CAST: variants seen among roughly 807,000 people sequenced by gnomAD.
The protein encoded by CAST is MIR583 host.
Under a neutral mutation model 119.6 loss-of-function variants are expected in CAST, and 76 were observed. The ratio of observed to expected loss-of-function variants is 0.64; its 90% confidence interval spans 0.53 to 0.77. The LOEUF (loss-of-function observed/expected upper bound fraction) is 0.77, where lower values mean the gene tolerates loss of function less well. Ranked by LOEUF, CAST falls within the 30% of genes least tolerant of loss-of-function variation. CAST has a pLI of 0.00. For synonymous variants in CAST, 319 were observed against 331.6 expected (o/e 0.96, Z 0.41); for missense variants, 953 against 946.5 (o/e 1.01, Z -0.09).
the CAST span, among the ~76,000 whole-genome samples, chr5:96,004,568 A>C: frequency 1.3e-5 from 2 of 152,178 alleles, no homozygotes; most frequent in Non-Finnish European, 2.9e-5. Flanking sequence ...CTTCAACTCA[A>C]GTGATCAGGT....
the CAST span, among the ~76,000 whole-genome samples, chr5:96,253,996 C>T: frequency 8.5e-6 from 1 of 118,110 alleles, no homozygotes; most frequent in Non-Finnish European, 1.7e-5. Context: ...TTTCTTTTGG[C>T]AAGTCACAGA....
the CAST span, among the ~76,000 whole-genome samples, chr5:96,360,762 C>T: frequency 6.6e-6 from 1 of 152,202 alleles, no homozygotes; most frequent in East Asian, 1.9e-4. Flanking sequence ...TATGAGGTGT[C>T]TGTCAACCCC....
At chr5:96,102,136 T>C in the CAST span, among the ~76,000 whole-genome samples, 4 of 152,204 alleles carry the variant, frequency 2.6e-5, no homozygotes, top group African/African-American at 9.7e-5. Context: ...AAAGGGCCAG[T>C]GTGACAGCCT....
At chr5:96,428,077 T>A in the CAST span, among the ~76,000 whole-genome samples, 34 of 152,196 alleles carry the variant, frequency 2.2e-4, no homozygotes, top group African/African-American at 7.5e-4. Flanking sequence ...TTGTTTCTTT[T>A]ACATTCGAAC....
chr5:96,079,277 C>T, the CAST span: 2 of 346,756 alleles, frequency 5.8e-6, no homozygotes, highest in East Asian at 2.0e-4. Context: ...CTCCCACTTA[C>T]CAAATGGCAT....
chr5:96,092,533 C>G, the CAST span, among the ~76,000 whole-genome samples: 2 of 152,190 alleles, frequency 1.3e-5, no homozygotes, highest in Admixed American at 6.5e-5. Flanking sequence ...TTCATGACAC[C>G]CAAATTTAAG....
chr5:96,617,517 C>G (rs138601175), intron 1 of CAST, among the ~76,000 whole-genome samples: 1 of 151,974 alleles, frequency 6.6e-6, no homozygotes, highest in Non-Finnish European at 1.5e-5. Context: ...AGGCCGGGCA[C>G]GGTGGCTCAT....
At chr5:96,081,566 T>C in the CAST span, among the ~76,000 whole-genome samples, 4 of 152,180 alleles carry the variant, frequency 2.6e-5, no homozygotes, top group African/African-American at 9.7e-5. Flanking sequence ...AGCTGGGCCA[T>C]TCTGTTCAGG....
chr5:96,666,362 C>T (rs1042727977), intron 1 of CAST, among the ~76,000 whole-genome samples: 1 of 152,174 alleles, frequency 6.6e-6, no homozygotes. Flanking sequence ...ATTTGGCCCA[C>T]ACCAGTCATC....
the CAST span, among the ~76,000 whole-genome samples, chr5:96,124,687 T>G: frequency 1.3e-5 from 2 of 152,306 alleles, no homozygotes; most frequent in South Asian, 4.1e-4. Context: ...ACATAGTTAT[T>G]TACTTAATAA....
chr5:96,258,257 A>G, the CAST span, among the ~76,000 whole-genome samples: 5 of 152,168 alleles, frequency 3.3e-5, no homozygotes, highest in African/African-American at 1.2e-4. Flanking sequence ...AGACCTGGAC[A>G]TGATCGTGGG....
At chr5:96,142,696 A>T in the CAST span, among the ~76,000 whole-genome samples, 1 of 152,158 alleles carries the variant, frequency 6.6e-6, no homozygotes, top group Non-Finnish European at 1.5e-5. Context: ...ACATGAGAAG[A>T]GGTATGGTGG....
the CAST span, among the ~76,000 whole-genome samples, chr5:95,968,200 C>A: frequency 6.6e-6 from 1 of 152,124 alleles, no homozygotes; most frequent in East Asian, 1.9e-4. Context: ...AGACTTAAGT[C>A]ATTTGAATAA....
the CAST span, among the ~76,000 whole-genome samples, chr5:96,067,029 A>C: frequency 6.6e-6 from 1 of 152,138 alleles, no homozygotes; most frequent in Non-Finnish European, 1.5e-5. Context: ...GAGGGAAAGC[A>C]TCACCTTCAT....
intron 1 of CAST, among the ~76,000 whole-genome samples, chr5:96,649,626 G>A (rs1172082198): frequency 6.6e-6 from 1 of 152,206 alleles, no homozygotes; most frequent in Non-Finnish European, 1.5e-5. Context: ...TGTTGAAAGA[G>A]TCATAGAACT....
chr5:96,234,769 T>G, the CAST span, among the ~76,000 whole-genome samples: 1 of 152,152 alleles, frequency 6.6e-6, no homozygotes, highest in African/African-American at 2.4e-5. Flanking sequence ...TATATCTCAT[T>G]GGCCAGAAAT....
At chr5:96,126,552 C>T in the CAST span, among the ~76,000 whole-genome samples, 4 of 151,604 alleles carry the variant, frequency 2.6e-5, no homozygotes, top group East Asian at 7.7e-4. Flanking sequence ...TTAGTGTTTA[C>T]ATTTTGACTT....
At chr5:96,544,029 T>C (rs1240865107) in intron 1 of CAST, among the ~76,000 whole-genome samples, 1 of 152,212 alleles carries the variant, frequency 6.6e-6, no homozygotes, top group Non-Finnish European at 1.5e-5. Context: ...TTCTTCAATG[T>C]TGTGTTGGCT....
chr5:96,519,015 C>A, the CAST span, among the ~76,000 whole-genome samples: 92 of 152,044 alleles, frequency 6.1e-4, 1 homozygote, highest in Non-Finnish European at 2.1e-4. Flanking sequence ...GAGCTGAGAT[C>A]GCGCCACAGC....
Sources: allele counts gnomAD v4.1 joint callset (sites outside exome capture counted in the v4.1 genomes callset), GRCh38; gene constraint gnomAD v4.1.1; transcripts MANE v1.5; gene names NCBI Gene and HGNC (gene_info 2026-07-23, HGNC 2026-07-21).